Variants in GDA observed in about 807,000 individuals in gnomAD.
GDA encodes the protein guanine deaminase.
Under a neutral mutation model 59.6 loss-of-function variants are expected in GDA, and 18 were observed. The observed-to-expected ratio is 0.30, with a 90% CI of 0.21 to 0.45. GDA has a LOEUF of 0.45. Among genes scored for constraint, GDA ranks in the 20% least tolerant of loss-of-function variants. The pLI is 1.00. For synonymous variants in GDA, 201 were observed against 201.1 expected (o/e 1.00, Z 0.00); for missense variants, 427 against 552.3 (o/e 0.77, Z 2.27).
At chr9:72,202,248 T>C (rs1479208580) in intron 2 of GDA, among the ~76,000 whole-genome samples, 1 of 152,212 alleles carries the variant, frequency 6.6e-6, no homozygotes, top group Admixed American at 6.5e-5. Flanking sequence ...GAGAACAAAG[T>C]CATGGGATTA....
intron 2 of GDA, among the ~76,000 whole-genome samples, chr9:72,200,695 C>T (rs1833880131): frequency 6.6e-6 from 1 of 152,204 alleles, no homozygotes; most frequent in South Asian, 2.1e-4. Flanking sequence ...AAAGGACTGA[C>T]ATTGTAGAGA....
chr9:72,188,518 C>T (rs1587546098), intron 1 of GDA, among the ~76,000 whole-genome samples: 1 of 152,344 alleles, frequency 6.6e-6, no homozygotes, highest in South Asian at 2.1e-4. Flanking sequence ...GTTAAGTTTG[C>T]AGGCATGCAG....
rs375146852 is a variant in GDA at position 72,138,461 on chromosome 9, C to T, written c.-100+23628C>T. ...ACCAACTTCTCTGTATGCATCTACT[C>T]TTCTTATGAGGCAGGAATCAATATT... On this transcript the variant is annotated intron_variant, in intron 1 of 13. Transcript: ENST00000545168. Among the ~76,000 whole-genome samples the T allele has an allele frequency of 6.0e-4, 92 of 152,322 alleles. 1 individual carries two copies. In the South Asian group the frequency reaches 0.018, roughly 31 times the overall value.
intron 1 of GDA, among the ~76,000 whole-genome samples, chr9:72,161,153 C>T (rs7046424): frequency 0.032 from 4,800 of 151,998 alleles, 275 homozygotes; most frequent in African/African-American, 0.11. Context: ...GGTGATCTGC[C>T]CACCTCGGCC....
intron 7 of GDA, among the ~76,000 whole-genome samples, chr9:72,224,485 G>A (rs1257636502): frequency 1.3e-5 from 2 of 152,144 alleles, no homozygotes; most frequent in Non-Finnish European, 2.9e-5. Flanking sequence ...TAGATTTTGT[G>A]GTGCCCTAGA....
At chr9:72,145,311 A>G (rs1381860951), upstream of GDA, among the ~76,000 whole-genome samples, 1 of 152,200 alleles carries the variant, frequency 6.6e-6, no homozygotes, top group East Asian at 1.9e-4. Flanking sequence ...TGAATGAACA[A>G]TTCCTGGGAG....
At chr9:72,144,374 A>C (rs1826547219), upstream of GDA, among the ~76,000 whole-genome samples, 1 of 152,234 alleles carries the variant, frequency 6.6e-6, no homozygotes, top group Non-Finnish European at 1.5e-5. Flanking sequence ...TAGTATATAT[A>C]ATAATACGAC....
intron 9 of GDA, among the ~76,000 whole-genome samples, chr9:72,230,785 A>G (rs1423577430): frequency 1.3e-5 from 2 of 152,170 alleles, no homozygotes; most frequent in Non-Finnish European, 2.9e-5. Flanking sequence ...TGGTTAGAAA[A>G]TATTAAAGAC....
At chr9:72,181,211 G>A (rs920712427) in intron 1 of GDA, among the ~76,000 whole-genome samples, 8 of 152,128 alleles carry the variant, frequency 5.3e-5, no homozygotes, top group Non-Finnish European at 1.2e-4. Context: ...AAGGTGTAAT[G>A]AATAAGGATG....
intron 1 of GDA, among the ~76,000 whole-genome samples, chr9:72,130,344 G>A (rs1825983817): frequency 6.6e-6 from 1 of 152,152 alleles, no homozygotes; most frequent in African/African-American, 2.4e-5. Flanking sequence ...CTACCAGGAG[G>A]TGTAAGCCCA....
chr9:72,160,543 T>TTG (rs1828488394), intron 1 of GDA, among the ~76,000 whole-genome samples: 1 of 152,262 alleles, frequency 6.6e-6, no homozygotes, highest in African/African-American at 2.4e-5. Flanking sequence ...CTCATCCATG[T>TTG]TGTGGCATGT....
chr9:72,149,540 C>G lies in GDA; in HGVS notation c.-20C>G. On this transcript the variant is annotated 5_prime_UTR_variant, in exon 1 of 14. Transcript: ENST00000358399. ...GCGCCCTCCTCGACCAGCAGACCCG[C>G]GCTGCGCTCCGCCGCTGACATGTGT... 6.2e-7 allele frequency: 1 copy of G among 1,607,642 alleles called. No homozygotes were observed. The highest frequency in any genetic ancestry group is 2.3e-5 in the East Asian group (1 of 44,408).
intron 1 of GDA, among the ~76,000 whole-genome samples, chr9:72,153,044 G>A (rs1827422225): frequency 6.6e-6 from 1 of 152,164 alleles, no homozygotes; most frequent in Non-Finnish European, 1.5e-5. Context: ...TTATTAAATA[G>A]GGAATCCTTT....
At chr9:72,158,872 CCATCATCATCATCAT>C (rs113332500) in intron 1 of GDA, among the ~76,000 whole-genome samples, 206 of 150,740 alleles carry the variant, frequency 1.4e-3, no homozygotes, top group African/African-American at 4.7e-3. Flanking sequence ...GGTAAGGACA[CCATCATCATCATCAT>C]CATCATCATC....
At chr9:72,135,546 C>T (rs1036040382) in intron 1 of GDA, among the ~76,000 whole-genome samples, 5 of 152,088 alleles carry the variant, frequency 3.3e-5, no homozygotes, top group Admixed American at 1.3e-4. Context: ...CTTCACCTAA[C>T]GGCATCTATT....
At chr9:72,122,124 G>A (rs1825683469) in intron 1 of GDA, among the ~76,000 whole-genome samples, 1 of 152,102 alleles carries the variant, frequency 6.6e-6, no homozygotes, top group South Asian at 2.1e-4. Flanking sequence ...TCCATTTGCT[G>A]ATCAAGCCCA....
At chr9:72,253,307 A>G (rs1840803485), downstream of GDA, 3 of 152,166 alleles carry the variant, frequency 2.0e-5, no homozygotes, top group Admixed American at 1.3e-4. Flanking sequence ...GCCAGATCAA[A>G]CTAAGCTGTG....
At position 72,205,936 on chromosome 9, in the gene GDA, G is replaced by T. The variant is rs527519897; in HGVS notation, c.384+3194G>T. Among the ~76,000 whole-genome samples the T allele has an allele frequency of 5.9e-5, 9 of 152,282 alleles. No individual in the cohort carries two copies. In the South Asian group the frequency reaches 1.9e-3, roughly 32 times the overall value. ...GAAGGGGCTTACTATCAGTGTTTGT[G>T]TAGTGCTTCTAAATAACCCCAGCTT... On this transcript the variant is annotated intron_variant, in intron 3 of 13. Transcript: ENST00000358399.
At chr9:72,125,817 C>T (rs1825827458) in intron 1 of GDA, among the ~76,000 whole-genome samples, 1 of 152,118 alleles carries the variant, frequency 6.6e-6, no homozygotes, top group Non-Finnish European at 1.5e-5. Context: ...TGTCCTGATC[C>T]TCCCAGTTAT....
Sources: gnomAD v4.1 joint callset for allele counts (sites outside exome capture counted in the v4.1 genomes callset) on GRCh38, gnomAD v4.1.1 for gene constraint, MANE v1.5 for transcripts, NCBI Gene and HGNC (gene_info 2026-07-23, HGNC 2026-07-21) for gene names.